Variants in BEND7 observed in about 807,000 individuals in gnomAD.
BEND7 encodes BEN domain containing 7, also known as BEN domain-containing protein 7.
A neutral mutation model predicts 50.9 loss-of-function variants in BEND7; 28 were observed. The ratio of observed to expected loss-of-function variants is 0.55; its 90% confidence interval spans 0.41 to 0.75. The LOEUF (loss-of-function observed/expected upper bound fraction) is 0.75, where lower values mean the gene tolerates loss of function less well. Ranked by LOEUF, BEND7 falls within the 30% of genes least tolerant of loss-of-function variation. The pLI is 0.00. For missense variants in BEND7, 477 were observed against 491.3 expected, an observed-to-expected ratio of 0.97 and a Z score of 0.28; for synonymous variants, 170 against 183.9, an observed-to-expected ratio of 0.92 and a Z score of 0.61.
At chr10:13,518,045 C>T (rs1383479436) in intron 2 of BEND7, among the ~76,000 whole-genome samples, 1 of 152,218 alleles carries the variant, frequency 6.6e-6, no homozygotes, top group South Asian at 2.1e-4. Context: ...TATGATTTTC[C>T]TCAGAAAACA....
chr10:13,447,287 C>T lies in BEND7; in HGVS notation c.1213G>A (p.Gly405Ser), dbSNP rs529753466. ...EIADSDERLD[G>S]IALPPTVV ...TTACCTGTTGGTGGTAGAGCAATGC[C>T]GTCCAGTCTTTCATCACTGTCCGCG... Residue 405 changes from glycine (G) to serine (S), a missense_variant, in exon 8 of 9, where the codon GGC becomes AGC. Coordinates refer to ENST00000466271, the MANE Select transcript of BEND7 (RefSeq NM_001369863.1). The T allele has an allele frequency of 1.2e-5, 19 of 1,613,978 alleles. No individual in the cohort carries two copies. The East Asian group carries it at 2.7e-4, about 23-fold the overall frequency.
At chr10:13,468,291 C>T (rs2131417884) in intron 6 of BEND7, among the ~76,000 whole-genome samples, 1 of 152,270 alleles carries the variant, frequency 6.6e-6, no homozygotes, top group East Asian at 1.9e-4. Context: ...GGGGATGAGA[C>T]TTGGGGTAAA....
intron 6 of BEND7, among the ~76,000 whole-genome samples, chr10:13,468,906 G>C (rs946187399): frequency 6.6e-6 from 1 of 152,272 alleles, no homozygotes; most frequent in Non-Finnish European, 1.5e-5. Flanking sequence ...CAAGATGACT[G>C]CTGTGTGGGT....
rs542432191 is a variant in BEND7, at chr10:13,495,400, G to A, written c.571+1366C>T. Among the ~76,000 whole-genome samples, 10 of 152,292 alleles carry A rather than the reference G, an allele frequency of 6.6e-5. No homozygotes were observed. In the South Asian group the frequency reaches 1.0e-3, roughly 16 times the overall value. ...TGTTTAGCCCGGCGCGGTGGCTCAC[G>A]CCTGTAATCCCAGCACTTTGGGAGG... On this transcript the variant is annotated intron_variant, in intron 4 of 8. Transcript: ENST00000466271.
At position 13,528,622 on chromosome 10, in the gene BEND7, G is replaced by C; in HGVS notation, c.-89C>G. On this transcript the variant is annotated 5_prime_UTR_variant, in exon 1 of 9. Transcript: ENST00000466271. Reference sequence around the variant, plus strand: ...GCAGCGGCAGCGGCGGCGCGGGCTCGTGTCACCGCGGCGGAGCCGCCGGGA... The same window carrying C: ...GCAGCGGCAGCGGCGGCGCGGGCTCCTGTCACCGCGGCGGAGCCGCCGGGA... The C allele has an allele frequency of 1.4e-6, 1 of 709,286 alleles. No homozygotes were observed. Among genetic ancestry groups the C allele is most frequent in the Non-Finnish European group, 1.7e-6 (1 of 581,950 alleles). The allele number at this position is 709,286 out of a possible 1,614,324, so 43.9% of individuals were successfully genotyped here.
chr10:13,448,902 G>A (rs1268514865), intron 7 of BEND7, among the ~76,000 whole-genome samples: 2 of 151,260 alleles, frequency 1.3e-5, no homozygotes, highest in Non-Finnish European at 2.9e-5. Flanking sequence ...GTGAACCCGG[G>A]AGGCGGAGCT....
intron 3 of BEND7, among the ~76,000 whole-genome samples, chr10:13,497,579 G>T (rs1285155315): frequency 6.6e-6 from 1 of 152,094 alleles, no homozygotes; most frequent in African/African-American, 2.4e-5. Context: ...TCTTTCCCTT[G>T]CCACAGCCTC....
At position 13,490,929 on chromosome 10, in the gene BEND7, G is replaced by C. The variant is rs535526136; in HGVS notation, c.837+1682C>G. ...AGTGATTCTTATGCCTCAGCCTCCCGAGTAGTTAGGACTATAGGCATGTGC... is the reference window on the plus strand; with the variant it reads ...AGTGATTCTTATGCCTCAGCCTCCCCAGTAGTTAGGACTATAGGCATGTGC... On this transcript the variant is annotated intron_variant, in intron 5 of 8. Transcript: ENST00000466271. Among the ~76,000 whole-genome samples, 64 of 152,024 alleles carry C rather than the reference G, an allele frequency of 4.2e-4. 1 individual carries two copies. Among genetic ancestry groups the C allele is most frequent in the African/African-American group, 1.5e-3 (62 of 41,470 alleles).
intron 6 of BEND7, among the ~76,000 whole-genome samples, chr10:13,476,021 T>C (rs1564311650): frequency 6.6e-6 from 1 of 152,198 alleles, no homozygotes; most frequent in Non-Finnish European, 1.5e-5. Context: ...TTACTATCAA[T>C]AAATAAATCG....
chr10:13,453,104 A>G (rs7092750), intron 6 of BEND7, among the ~76,000 whole-genome samples: 47,366 of 152,156 alleles, frequency 0.31, 8,647 homozygotes, highest in East Asian at 0.68. Flanking sequence ...TAACTCAATC[A>G]CTACTCAAAT....
At chr10:13,514,346 C>T (rs1391268166) in intron 2 of BEND7, among the ~76,000 whole-genome samples, 1 of 152,224 alleles carries the variant, frequency 6.6e-6, no homozygotes, top group Admixed American at 6.5e-5. Flanking sequence ...GATAAACCCA[C>T]ATCGGAGGCA....
intron 7 of BEND7, among the ~76,000 whole-genome samples, chr10:13,447,653 C>T (rs547879460): frequency 2.6e-5 from 4 of 151,056 alleles, no homozygotes; most frequent in African/African-American, 9.7e-5. Context: ...ACGCCATTCT[C>T]CTGCCTCAGC....
intron 4 of BEND7, among the ~76,000 whole-genome samples, chr10:13,495,038 A>T (rs990558673): frequency 1.3e-5 from 2 of 152,242 alleles, no homozygotes; most frequent in African/African-American, 4.8e-5. Flanking sequence ...ACAAAGTGGC[A>T]TTTACTTAAT....
At chr10:13,470,197 A>G (rs2074671204) in intron 6 of BEND7, among the ~76,000 whole-genome samples, 1 of 152,184 alleles carries the variant, frequency 6.6e-6, no homozygotes, top group African/African-American at 2.4e-5. Flanking sequence ...ACTGCTTTCT[A>G]TTTTCAGGGC....
rs574642239 is a variant in BEND7, at chr10:13,465,910, G to A, written c.1064-13252C>T. Among the ~76,000 whole-genome samples, 83 of 152,178 alleles carry A rather than the reference G, an allele frequency of 5.5e-4. 1 individual carries two copies. The highest frequency in any genetic ancestry group is 6.5e-4 in the Non-Finnish European group (44 of 67,990). On this transcript the variant is annotated intron_variant, in intron 6 of 8. Transcript: ENST00000466271. ...GTGTGTGTGTGTGTGTGTGGTGGCAGGGGTGGGGGGACAGACAACAATATT... is the reference window on the plus strand; with the variant it reads ...GTGTGTGTGTGTGTGTGTGGTGGCAAGGGTGGGGGGACAGACAACAATATT...
At chr10:13,500,192 A>G in intron 2 of BEND7, 112 bp from the exon 3 acceptor site, 2 of 951,744 alleles carry the variant, frequency 2.1e-6, no homozygotes, top group South Asian at 1.8e-5. Context: ...GGGAAAGATG[A>G]CTGACTCTAT....
rs72785317 is a variant in BEND7, at chr10:13,495,303, G to C, written c.571+1463C>G. ...ACAGATTATCGTAGTGGAACAAGGT[G>C]AGTCCAATGCTTACTGACCTGAGCA... On this transcript the variant is annotated intron_variant, in intron 4 of 8. Coordinates refer to ENST00000466271, the MANE Select transcript of BEND7 (RefSeq NM_001369863.1). Among the ~76,000 whole-genome samples, 874 of 152,336 alleles carry C rather than the reference G, an allele frequency of 5.7e-3. 4 individuals carry two copies. Among genetic ancestry groups the C allele is most frequent in the Non-Finnish European group, 9.9e-3 (675 of 68,032 alleles).
intron 6 of BEND7, among the ~76,000 whole-genome samples, chr10:13,454,940 G>C (rs1838597595): frequency 6.6e-6 from 1 of 152,268 alleles, no homozygotes; most frequent in South Asian, 2.1e-4. Flanking sequence ...GGGAGGCCAA[G>C]GCGGGTGGAT....
intron 2 of BEND7, chr10:13,502,978 G>C: frequency 1.0e-6 from 1 of 965,590 alleles, no homozygotes; most frequent in East Asian, 1.1e-4. Flanking sequence ...TGCTAGGATA[G>C]ATACAGTGCT....
Sources: gnomAD v4.1 joint callset for allele counts (sites outside exome capture counted in the v4.1 genomes callset) on GRCh38, gnomAD v4.1.1 for gene constraint, MANE v1.5 for transcripts, NCBI Gene and HGNC (gene_info 2026-07-23, HGNC 2026-07-21) for gene names.